Variants in CREB1 observed in about 807,000 individuals in gnomAD.
CREB1 encodes cAMP responsive element binding protein 1.
A neutral mutation model predicts 42.0 loss-of-function variants in CREB1; 2 were observed. The ratio of observed to expected loss-of-function variants is 0.05; its 90% CI spans 0.02 to 0.15. CREB1 has a LOEUF of 0.15. Among genes scored for constraint, CREB1 ranks in the 10% least tolerant of loss-of-function variants. The pLI, the probability that CREB1 is intolerant of heterozygous loss-of-function variation, is 1.00. For missense variants in CREB1, 199 were observed against 388.9 expected (o/e 0.51, Z 4.11); for synonymous variants, 123 against 139.9 (o/e 0.88, Z 0.85).
At chr2:207,544,726 C>G (rs960487232) in intron 1 of CREB1, among the ~76,000 whole-genome samples, 3 of 152,230 alleles carry the variant, frequency 2.0e-5, no homozygotes, top group Non-Finnish European at 4.4e-5. Context: ...ACCCCCAACC[C>G]TCTGACAGGC....
chr2:207,583,754 TCAC>T (rs2083342911), intron 7 of CREB1, among the ~76,000 whole-genome samples: 1 of 152,206 alleles, frequency 6.6e-6, no homozygotes. Flanking sequence ...CATGTATCTG[TCAC>T]CACAATGCCA....
At chr2:207,567,987 T>A (rs2082205237) in intron 4 of CREB1, 1 of 152,638 alleles carries the variant, frequency 6.6e-6, no homozygotes, top group South Asian at 2.1e-4. Flanking sequence ...TTTACTAACA[T>A]CCCCTAATTT....
At chr2:207,578,623 C>A (rs1030905039) in intron 7 of CREB1, among the ~76,000 whole-genome samples, 1 of 152,160 alleles carries the variant, frequency 6.6e-6, no homozygotes, top group Admixed American at 6.5e-5. Context: ...CTGTAGTGCT[C>A]TGTTGAAATG....
chr2:207,563,351 C>A (rs1167704474), intron 3 of CREB1, among the ~76,000 whole-genome samples: 28 of 152,182 alleles, frequency 1.8e-4, no homozygotes, highest in Admixed American at 1.8e-3. Context: ...GTTCAGGAGT[C>A]TTCCGGAGTT....
At chr2:207,588,256 T>C (rs1352405702) in intron 7 of CREB1, among the ~76,000 whole-genome samples, 1 of 152,216 alleles carries the variant, frequency 6.6e-6, no homozygotes, top group Non-Finnish European at 1.5e-5. Flanking sequence ...TTTTTTTATA[T>C]AGGAACATCC....
chr2:207,602,796 GATTT>G lies in CREB1; in HGVS notation c.*5742_*5745del, dbSNP rs1260931835. 4.6e-5 allele frequency: 10 copies of G among 215,898 alleles called. No individual in the cohort carries two copies. The highest frequency in any genetic ancestry group is 8.4e-5 in the Non-Finnish European group (9 of 107,244). 13.4% of individuals were successfully genotyped at this position (215,898 alleles called of 1,614,324 possible). A position where few individuals can be genotyped will look rare whatever the true frequency, so the allele number is the denominator to read the frequency against. ...ATTGTCAACATTTTTTTTGAGTATA[GATTT>G]ATTAGGGGTGGCAAAGAAGAGTGCT... On this transcript the variant is annotated 3_prime_UTR_variant, in exon 8 of 8. Transcript: ENST00000353267.
At position 207,604,615 on chromosome 2, in the gene CREB1, ATAAAT is replaced by A. The variant is rs935671091; in HGVS notation, c.*7561_*7565del. On this transcript the variant is annotated 3_prime_UTR_variant, in exon 8 of 8. Coordinates refer to ENST00000353267, the MANE Select transcript of CREB1 (RefSeq NM_004379.5). Reference sequence around the variant, plus strand: ...TGTTTTTAATTAAGATGCAATTCACATAAATTAACTTTTTAAGTGAACAATTAAGT... The same window carrying A: ...TGTTTTTAATTAAGATGCAATTCACATAACTTTTTAAGTGAACAATTAAGT... Among the ~76,000 whole-genome samples, 7 of 152,244 alleles carry A rather than the reference ATAAAT, an allele frequency of 4.6e-5. No homozygotes were observed. The highest frequency in any genetic ancestry group is 1.4e-4 in the African/African-American group (6 of 41,458).
chr2:207,596,385 A>G (rs1433463171), intron 7 of CREB1, among the ~76,000 whole-genome samples: 1 of 152,196 alleles, frequency 6.6e-6, no homozygotes, highest in East Asian at 1.9e-4. Context: ...TAATAGTAAG[A>G]TGTAATTTTT....
At chr2:207,552,042 CAAAAAAAAAA>C (rs71036931) in intron 1 of CREB1, among the ~76,000 whole-genome samples, 10 of 69,940 alleles carry the variant, frequency 1.4e-4, no homozygotes, top group Non-Finnish European at 2.5e-4. Context: ...AACTCCGTCT[CAAAAAAAAAA>C]AAAAAAAAAA....
At position 207,595,655 on chromosome 2, in the gene CREB1, C is replaced by G. The variant is rs144961680; in HGVS notation, c.840-1259C>G. 3.4e-3 allele frequency among the ~76,000 whole-genome samples: 524 copies of G among 152,240 alleles called. 6 individuals carry two copies. Among genetic ancestry groups the G allele is most frequent in the Middle Eastern group, 6.8e-3 (2 of 292 alleles). ...CACGGCTCACTGCAACCTAAGACCT[C>G]CTGGGCTTAAGCAGTCCTCCCACCT... On this transcript the variant is annotated intron_variant, in intron 7 of 7. Coordinates refer to ENST00000353267, the MANE Select transcript of CREB1 (RefSeq NM_004379.5).
intron 7 of CREB1, among the ~76,000 whole-genome samples, chr2:207,579,576 C>T (rs1218026406): frequency 1.3e-5 from 2 of 152,184 alleles, no homozygotes; most frequent in Non-Finnish European, 2.9e-5. Context: ...ACTACAGTTC[C>T]TACCAGGCTT....
Position 207,603,119 on chromosome 2 carries a change from C to T in CREB1, c.*6061C>T, listed in dbSNP as rs1056181649. On this transcript the variant is annotated 3_prime_UTR_variant, in exon 8 of 8. Coordinates refer to ENST00000353267, the MANE Select transcript of CREB1 (RefSeq NM_004379.5). The stretch of plus-strand genomic sequence containing the variant: ...ATAAATAACTATAATGAGGGAAATA[C>T]ATTTCTAATAAAATTCCCTACATTC... The T allele has an allele frequency of 5.2e-5, 11 of 210,804 alleles. No individual in the cohort carries two copies. The highest frequency in any genetic ancestry group is 8.7e-5 in the Non-Finnish European group (9 of 104,024). 13.1% of individuals were successfully genotyped at this position (210,804 alleles called of 1,614,324 possible).
chr2:207,572,813 C>CAA (rs1232230431), intron 5 of CREB1, among the ~76,000 whole-genome samples: 3 of 117,530 alleles, frequency 2.6e-5, no homozygotes, highest in Non-Finnish European at 1.8e-5. Context: ...GACTCCATCT[C>CAA]AAAAAAAAAA....
At chr2:207,584,361 G>C (rs1391204577) in intron 7 of CREB1, among the ~76,000 whole-genome samples, 5 of 151,806 alleles carry the variant, frequency 3.3e-5, no homozygotes, top group Admixed American at 6.6e-5. Flanking sequence ...TCTAGAACTG[G>C]TATAATGGAT....
intron 7 of CREB1, among the ~76,000 whole-genome samples, chr2:207,589,704 T>G (rs1250295344): frequency 1.3e-5 from 2 of 152,250 alleles, no homozygotes; most frequent in African/African-American, 4.8e-5. Flanking sequence ...TTCCAGAATC[T>G]ACTGAGGTGA....
intron 7 of CREB1, among the ~76,000 whole-genome samples, chr2:207,590,446 T>C (rs978477559): frequency 2.0e-5 from 3 of 151,996 alleles, no homozygotes; most frequent in Non-Finnish European, 2.9e-5. Context: ...TCCTTAGAAT[T>C]GTATTGATTT....
At position 207,602,347 on chromosome 2, in the gene CREB1, C is replaced by T. The variant is rs1035214491; in HGVS notation, c.*5289C>T. ...ATACTGACCTGTCTGCATTCTGGTA[C>T]GGTGGGTGCAGGTCCCAGCTGGGTA... On this transcript the variant is annotated 3_prime_UTR_variant, in exon 8 of 8. Coordinates refer to ENST00000353267, the MANE Select transcript of CREB1 (RefSeq NM_004379.5). 4 of 200,810 alleles carry T rather than the reference C, an allele frequency of 2.0e-5. No individual in the cohort carries two copies. The highest frequency in any genetic ancestry group is 4.1e-5 in the Non-Finnish European group (4 of 97,626). The allele number at this position is 200,810 out of a possible 1,614,324, so 12.4% of individuals were successfully genotyped here.
intron 1 of CREB1, among the ~76,000 whole-genome samples, chr2:207,547,727 A>G (rs1342242517): frequency 6.6e-6 from 1 of 152,032 alleles, no homozygotes; most frequent in Non-Finnish European, 1.5e-5. Flanking sequence ...GGTCACATAC[A>G]TGAAGACTTG....
chr2:207,596,107 C>T (rs191050899), intron 7 of CREB1, among the ~76,000 whole-genome samples: 4 of 152,216 alleles, frequency 2.6e-5, no homozygotes, highest in Admixed American at 6.5e-5. Flanking sequence ...TTAGGTCTTA[C>T]GGTTAGGTCT....
Sources: gnomAD v4.1 joint callset for allele counts (sites outside exome capture counted in the v4.1 genomes callset) on GRCh38, gnomAD v4.1.1 for gene constraint, MANE v1.5 for transcripts, NCBI Gene and HGNC (gene_info 2026-07-23, HGNC 2026-07-21) for gene names.